Variants in KMO observed in about 807,000 individuals in gnomAD.
The protein encoded by KMO is kynurenine 3-monooxygenase, also known as kynurenine 3-hydroxylase.
A neutral mutation model predicts 57.8 loss-of-function variants in KMO; 24 were observed. The observed-to-expected ratio is 0.42, with a 90% confidence interval of 0.30 to 0.58. The LOEUF (loss-of-function observed/expected upper bound fraction) is 0.58, where lower values mean the gene tolerates loss of function less well. Ranked by LOEUF, KMO falls within the 20% of genes least tolerant of loss-of-function variation. The pLI is 0.22. For missense variants in KMO, 483 were observed against 588.2 expected, an observed-to-expected ratio of 0.82 and a Z score of 1.85; for synonymous variants, 210 against 193.6, an observed-to-expected ratio of 1.08 and a Z score of -0.70.
intron 4 of KMO, among the ~76,000 whole-genome samples, chr1:241,553,498 G>A (rs1454740307): frequency 6.6e-6 from 1 of 152,156 alleles, no homozygotes; most frequent in Admixed American, 6.5e-5. Context: ...ACCAGCCTGG[G>A]CAACATGGCA....
intron 10 of KMO, among the ~76,000 whole-genome samples, chr1:241,570,747 G>A (rs1662248256): frequency 6.6e-6 from 1 of 152,036 alleles, no homozygotes; most frequent in South Asian, 2.1e-4. Context: ...TTTTGCTCAG[G>A]ATGGCTTTGG....
chr1:241,553,728 T>C (rs374819360), intron 4 of KMO, among the ~76,000 whole-genome samples: 6 of 152,320 alleles, frequency 3.9e-5, no homozygotes, highest in South Asian at 4.1e-4. Context: ...AGCTTTATAA[T>C]TTGAATGTTT....
At chr1:241,549,862 C>T (rs541630352) in intron 3 of KMO, 88 bp downstream of exon 3, 1 of 793,350 alleles carries the variant, frequency 1.3e-6, no homozygotes, top group African/African-American at 1.8e-5. Flanking sequence ...TAAAAAGTAC[C>T]ATTTAATACC....
chr1:241,539,111 G>T (rs150533174), intron 1 of KMO, among the ~76,000 whole-genome samples: 1 of 152,200 alleles, frequency 6.6e-6, no homozygotes, highest in East Asian at 1.9e-4. Context: ...GGCTGGGCAC[G>T]GTGGCTCAGG....
intron 1 of KMO, among the ~76,000 whole-genome samples, chr1:241,535,485 C>A (rs1414495): frequency 2.9e-3 from 438 of 152,252 alleles, no homozygotes; most frequent in African/African-American, 9.6e-3. Flanking sequence ...AGAAGTTATT[C>A]TTGCTCTGAT....
At chr1:241,566,250 G>A (rs1371372077) in intron 8 of KMO, among the ~76,000 whole-genome samples, 3 of 152,112 alleles carry the variant, frequency 2.0e-5, no homozygotes, top group African/African-American at 7.2e-5. Flanking sequence ...GTGTGAAAAT[G>A]GAGAGTTTAC....
chr1:241,587,620 T>G (rs935078582), intron 11 of KMO, among the ~76,000 whole-genome samples: 1 of 152,146 alleles, frequency 6.6e-6, no homozygotes, highest in Admixed American at 6.5e-5. Context: ...ATTTTTGTAT[T>G]TTTAGTAGAG....
At chr1:241,548,973 T>C (rs1558414535) in intron 2 of KMO, 75 bp downstream of exon 2, 10 of 935,428 alleles carry the variant, frequency 1.1e-5, no homozygotes, top group Non-Finnish European at 1.6e-5. Flanking sequence ...CCAGGGCACA[T>C]GGATCGCTTG....
In KMO at chr1:241,594,029, T is replaced by A. The variant is rs1663416995; in HGVS notation, c.*1876T>A. 1 of 176,476 alleles carries A rather than the reference T, an allele frequency of 5.7e-6. No individual in the cohort carries two copies. Among genetic ancestry groups the A allele is most frequent in the Admixed American group, 5.7e-5 (1 of 17,546 alleles). The allele number at this position is 176,476 out of a possible 1,614,324, so 10.9% of individuals were successfully genotyped here. A position where few individuals can be genotyped will look rare whatever the true frequency, so the allele number is the denominator to read the frequency against. ...ATAGAGTCCAACAGTACAAAAAAAA[T>A]TCAGTATGTTCTAGCTACTTCACAC... On this transcript the variant is annotated 3_prime_UTR_variant, in exon 15 of 15. Transcript: ENST00000366559.
At chr1:241,537,593 G>A (rs754068417) in intron 1 of KMO, among the ~76,000 whole-genome samples, 43 of 152,044 alleles carry the variant, frequency 2.8e-4, no homozygotes, top group Non-Finnish European at 1.2e-4. Flanking sequence ...GTATTAATCC[G>A]TTTTCATGTT....
chr1:241,567,366 T>C (rs930665325), intron 9 of KMO, among the ~76,000 whole-genome samples: 15 of 152,224 alleles, frequency 9.9e-5, no homozygotes, highest in Admixed American at 5.2e-4. Context: ...GTCTTTTTAC[T>C]GTGTCTTCAC....
rs1663382832 is a variant in KMO at position 241,593,256 on chromosome 1, T to G, written c.*1103T>G. The G allele has an allele frequency of 3.2e-6, 1 of 310,626 alleles. No individual in the cohort carries two copies. 19.2% of individuals were successfully genotyped at this position (310,626 alleles called of 1,614,324 possible). On this transcript the variant is annotated 3_prime_UTR_variant, in exon 15 of 15. Transcript: ENST00000366559. ...TTCAATTTCAGACCCTCAGAAGCAA[T>G]TTACTAATTTATTCTTCGACTACAT...
chr1:241,555,750 C>T (rs1241914656), intron 5 of KMO, 90 bp downstream of exon 5: 11 of 818,122 alleles, frequency 1.3e-5, no homozygotes, highest in Non-Finnish European at 2.3e-5. Context: ...TTGTTTGCTG[C>T]TCCTTTTTAT....
At chr1:241,549,526 A>G in intron 2 of KMO, 151 bp from the exon 3 acceptor site, 1 of 412,376 alleles carries the variant, frequency 2.4e-6, no homozygotes. Context: ...AATTTAATAT[A>G]AAGTTACTGC....
chr1:241,550,646 T>C (rs948210370), intron 3 of KMO, among the ~76,000 whole-genome samples: 4 of 152,320 alleles, frequency 2.6e-5, no homozygotes, highest in Admixed American at 6.5e-5. Flanking sequence ...ATAATCTCCC[T>C]TTTTGTCATG....
At chr1:241,565,974 G>T (rs1662061394) in intron 8 of KMO, among the ~76,000 whole-genome samples, 1 of 152,198 alleles carries the variant, frequency 6.6e-6, no homozygotes, top group Admixed American at 6.5e-5. Flanking sequence ...GGAGGCCGAG[G>T]TGGGTGGATC....
intron 10 of KMO, among the ~76,000 whole-genome samples, chr1:241,575,292 T>C (rs999678505): frequency 5.3e-5 from 8 of 152,264 alleles, no homozygotes; most frequent in African/African-American, 1.9e-4. Flanking sequence ...TGTTTATTTC[T>C]TTTCTTCTGC....
intron 8 of KMO, among the ~76,000 whole-genome samples, chr1:241,566,284 CAAAG>C (rs1433377130): frequency 6.6e-6 from 1 of 152,120 alleles, no homozygotes; most frequent in African/African-American, 2.4e-5. Flanking sequence ...TCCGAATAAT[CAAAG>C]AAGCTGGAGA....
intron 5 of KMO, among the ~76,000 whole-genome samples, chr1:241,560,093 G>A (rs1661781276): frequency 6.6e-6 from 1 of 152,152 alleles, no homozygotes; most frequent in Non-Finnish European, 1.5e-5. Flanking sequence ...AGTGCTAGCA[G>A]GCAAAACAGA....
Sources: allele counts gnomAD v4.1 joint callset (sites outside exome capture counted in the v4.1 genomes callset), GRCh38; gene constraint gnomAD v4.1.1; transcripts MANE v1.5; gene names NCBI Gene and HGNC (gene_info 2026-07-23, HGNC 2026-07-21).